The following PRR5 variants were observed in gnomAD, a reference collection of about 807,000 sequenced individuals.
PRR5 encodes the protein proline rich 5, also known as proline-rich protein 5.
A neutral mutation model predicts 30.6 loss-of-function variants in PRR5; 25 were observed. The ratio of observed to expected loss-of-function variants is 0.82; its 90% CI spans 0.60 to 1.14. PRR5 has a LOEUF of 1.14. PRR5 is among the 50% of genes most tolerant of loss of function. The pLI is 0.00. For missense variants in PRR5, 600 were observed against 547.1 expected, an observed-to-expected ratio of 1.10 and a Z score of -0.96; for synonymous variants, 286 against 247.1, an observed-to-expected ratio of 1.16 and a Z score of -1.48.
At chr22:44,688,056 T>C (rs1361063264) in intron 1 of PRR5, among the ~76,000 whole-genome samples, 1 of 150,842 alleles carries the variant, frequency 6.6e-6, no homozygotes, top group Admixed American at 6.6e-5. Context: ...ATTACAGGCG[T>C]GAGCCACCGC....
chr22:44,726,665 G>A, intron 4 of PRR5, 31 bp downstream of exon 4: 1 of 1,613,826 alleles, frequency 6.2e-7, no homozygotes. Context: ...GGCCACTCTG[G>A]GCCATGCTGG....
At chr22:44,713,910 T>C (rs954032216) in intron 1 of PRR5, among the ~76,000 whole-genome samples, 3 of 151,790 alleles carry the variant, frequency 2.0e-5, no homozygotes, top group Non-Finnish European at 4.4e-5. Flanking sequence ...TTCACGCCAC[T>C]CTCCTGCCTC....
chr22:44,731,383 T>C, intron 4 of PRR5: 1 of 390,594 alleles, frequency 2.6e-6, no homozygotes, highest in Non-Finnish European at 4.8e-6. Flanking sequence ...TGGCTCTCAC[T>C]TGTGTGGGTC....
intron 4 of PRR5, chr22:44,729,891 C>G: frequency 3.0e-6 from 3 of 985,500 alleles, no homozygotes; most frequent in African/African-American, 1.7e-5. Flanking sequence ...ACTGAGCTGC[C>G]TTTCTTCCTG....
At chr22:44,727,427 G>A (rs771501976) in intron 4 of PRR5, among the ~76,000 whole-genome samples, 5 of 152,228 alleles carry the variant, frequency 3.3e-5, no homozygotes, top group Non-Finnish European at 7.3e-5. Flanking sequence ...CGTGTGTTGA[G>A]CACCTGTGCA....
upstream of PRR5, among the ~76,000 whole-genome samples, chr22:44,673,547 G>T (rs556156981): frequency 1.3e-5 from 2 of 152,174 alleles, no homozygotes; most frequent in African/African-American, 4.8e-5. Flanking sequence ...TCACCCACTG[G>T]TGAGGCATTT....
intron 6 of PRR5, chr22:44,734,815 C>T (rs6006863): frequency 0.04 from 25,639 of 648,874 alleles, 786 homozygotes; most frequent in Admixed American, 0.091. Flanking sequence ...CAGATCCCGA[C>T]GCTGCTGTGA....
rs1927953411 is a variant in PRR5 at position 44,710,189 on chromosome 22, CT to C, written c.135-4400del. Among the ~76,000 whole-genome samples the C allele has an allele frequency of 3.3e-5, 5 of 152,290 alleles. No individual in the cohort carries two copies. The South Asian group carries it at 1.0e-3, about 32-fold the overall frequency. On this transcript the variant is annotated intron_variant, in intron 1 of 7. Coordinates refer to ENST00000336985, the MANE Select transcript of PRR5 (RefSeq NM_181333.4). ...CGGATCAGCCCCTAGGGCCTCAGCC[CT>C]TCTCTTCAGCCCAAGCCCCAGTGGC... is the stretch of plus-strand genomic sequence containing the variant.
chr22:44,685,174 A>C lies in PRR5; in HGVS notation c.-11+7934A>C, dbSNP rs73891718. ...GTAGGTCTGCCCCAGGTCGGAGGGTAGATGGGTACGCAGTGCCAGCACCCA... is the reference window on the plus strand; with the variant it reads ...GTAGGTCTGCCCCAGGTCGGAGGGTCGATGGGTACGCAGTGCCAGCACCCA... On this transcript the variant is annotated intron_variant, in intron 1 of 8. Coordinates refer to the PRR5 transcript ENST00000006251. Among the ~76,000 whole-genome samples the C allele has an allele frequency of 3.8e-3, 577 of 152,280 alleles. 7 individuals are homozygous for C. The highest frequency in any genetic ancestry group is 0.013 in the African/African-American group (546 of 41,550).
intron 1 of PRR5, among the ~76,000 whole-genome samples, chr22:44,704,045 A>G (rs1220477927): frequency 6.6e-6 from 1 of 152,148 alleles, no homozygotes; most frequent in Non-Finnish European, 1.5e-5. Context: ...CAGGTCCTCA[A>G]TTTCCTTATC....
Position 44,702,209 on chromosome 22 carries a change from C to T in PRR5, c.-266C>T. 9.2e-7 allele frequency: 1 copy of T among 1,083,758 alleles called. No individual in the cohort carries two copies. Among genetic ancestry groups the T allele is most frequent in the Non-Finnish European group, 1.1e-6 (1 of 889,740 alleles). 67.1% of individuals were successfully genotyped at this position (1,083,758 alleles called of 1,614,324 possible). Reference sequence around the variant, plus strand: ...CCGCCCCCGGGTCCGCCCCCGGCCTCCGTTTGCGCCGGGTCTGTGCTGGCC... The same window carrying T: ...CCGCCCCCGGGTCCGCCCCCGGCCTTCGTTTGCGCCGGGTCTGTGCTGGCC... On this transcript the variant is annotated 5_prime_UTR_variant, in exon 1 of 8. Coordinates refer to ENST00000336985, the MANE Select transcript of PRR5 (RefSeq NM_181333.4).
chr22:44,697,160 G>A (rs528710746), intron 1 of PRR5, among the ~76,000 whole-genome samples: 1 of 152,308 alleles, frequency 6.6e-6, no homozygotes, highest in South Asian at 2.1e-4. Context: ...CCCCAGTCGT[G>A]AAATGGGAAT....
intron 6 of PRR5, among the ~76,000 whole-genome samples, chr22:44,733,143 G>GC (rs534144580): frequency 6.6e-6 from 1 of 152,252 alleles, no homozygotes; most frequent in Non-Finnish European, 1.5e-5. Flanking sequence ...AGAGCTGTTA[G>GC]CCCCCCTCAC....
intron 1 of PRR5, among the ~76,000 whole-genome samples, chr22:44,670,191 T>A (rs11913901): frequency 0.43 from 65,081 of 152,040 alleles, 14,277 homozygotes; most frequent in Non-Finnish European, 0.48. Flanking sequence ...GAAGGGCCCA[T>A]CCTGGCGTCT....
intron 5 of PRR5, 57 bp from the exon 6 acceptor site, chr22:44,732,194 G>T: frequency 1.3e-6 from 2 of 1,592,626 alleles, no homozygotes; most frequent in South Asian, 2.2e-5. Context: ...ACCGGGAGAG[G>T]GGAGATGAGG....
intron 1 of PRR5, among the ~76,000 whole-genome samples, chr22:44,685,342 A>AGAG (rs763784872): frequency 1.0e-3 from 155 of 152,332 alleles, no homozygotes; most frequent in Admixed American, 2.8e-3. Flanking sequence ...TAGAATGGAC[A>AGAG]GAGCAAGACC....
In PRR5 at chr22:44,733,499, G is replaced by A. The variant is rs1314375317; in HGVS notation, c.555+1108G>A. The stretch of plus-strand genomic sequence containing the variant: ...CACAGGGCAACCAGAGCAAGGAAGG[G>A]GCGGCCAGTGTGGAGCTGTGCAAGG... On this transcript the variant is annotated intron_variant, in intron 6 of 7. Coordinates refer to ENST00000336985, the MANE Select transcript of PRR5 (RefSeq NM_181333.4). Among the ~76,000 whole-genome samples the A allele has an allele frequency of 6.6e-5, 10 of 152,336 alleles. No homozygotes were observed. The South Asian group carries it at 2.1e-3, about 32-fold the overall frequency.
intron 7 of PRR5, among the ~76,000 whole-genome samples, chr22:44,735,986 T>C (rs116695133): frequency 0.05 from 7,623 of 152,226 alleles, 264 homozygotes; most frequent in Admixed American, 0.087. Flanking sequence ...TCCTCTGGTC[T>C]GGGAAAGGCC....
At chr22:44,698,562 C>G (rs1251662408), upstream of PRR5, among the ~76,000 whole-genome samples, 1 of 152,202 alleles carries the variant, frequency 6.6e-6, no homozygotes, top group African/African-American at 2.4e-5. Context: ...GGTCCCCCAG[C>G]CCCCTCCTCA....
Sources: gnomAD v4.1 joint callset for allele counts (sites outside exome capture counted in the v4.1 genomes callset) on GRCh38, gnomAD v4.1.1 for gene constraint, MANE v1.5 for transcripts, NCBI Gene and HGNC (gene_info 2026-07-23, HGNC 2026-07-21) for gene names.